MACF1: variants seen among roughly 807,000 people sequenced by gnomAD.
The protein encoded by MACF1 is microtubule-actin cross-linking factor 1.
MACF1 carries 193 observed loss-of-function variants against 854.8 expected under a neutral mutation model. That is an observed-to-expected ratio of 0.23 (90% confidence interval 0.20 to 0.25). The LOEUF (loss-of-function observed/expected upper bound fraction) is 0.25, where lower values mean the gene tolerates loss of function less well. MACF1 is among the 10% of genes least tolerant of loss of function. MACF1 has a pLI of 1.00. For synonymous variants in MACF1, 3,185 were observed against 3,226.7 expected, an observed-to-expected ratio of 0.99 and a Z score of 0.44; for missense variants, 7,722 against 8,929.1, an observed-to-expected ratio of 0.86 and a Z score of 5.45.
chr1:39,274,783 A>G (rs1444957236), intron 6 of MACF1, among the ~76,000 whole-genome samples: 1 of 152,240 alleles, frequency 6.6e-6, no homozygotes, highest in East Asian at 1.9e-4. Context: ...CAGGTTACTA[A>G]ACTTCTCTGT....
Position 39,372,955 on chromosome 1 carries a change from G to A in MACF1, c.13213+359G>A, listed in dbSNP as rs138802516. Reference sequence around the variant, plus strand: ...TTAAACTTGGGCACTGGCCAGCCACGAAGTCAGAAGATCAAAACCAGCCTG... The same window carrying A: ...TTAAACTTGGGCACTGGCCAGCCACAAAGTCAGAAGATCAAAACCAGCCTG... On this transcript the variant is annotated intron_variant, in intron 52 of 100. Coordinates refer to ENST00000564288, the MANE Select transcript of MACF1 (RefSeq NM_001394062.1). The A allele has an allele frequency of 7.0e-3, 1,614 of 229,886 alleles. 32 individuals are homozygous for A. Among genetic ancestry groups the A allele is most frequent in the African/African-American group, 0.036 (1,497 of 42,030 alleles). The allele number at this position is 229,886 out of a possible 1,614,324, so 14.2% of individuals were successfully genotyped here.
At chr1:39,140,451 G>A (rs943367297) in intron 2 of MACF1, among the ~76,000 whole-genome samples, 9 of 152,160 alleles carry the variant, frequency 5.9e-5, no homozygotes, top group Admixed American at 1.3e-4. Flanking sequence ...AGAGTATTGC[G>A]TATAATAAGG....
intron 100 of MACF1, 73 bp downstream of exon 100, chr1:39,484,803 T>G: frequency 6.3e-7 from 1 of 1,574,858 alleles, no homozygotes. Flanking sequence ...AATGTTTCAC[T>G]GCTCCCAAGG....
chr1:39,221,044 G>T (rs920044500), intron 1 of MACF1, among the ~76,000 whole-genome samples: 2 of 152,172 alleles, frequency 1.3e-5, no homozygotes, highest in Non-Finnish European at 2.9e-5. Context: ...AGATATTCCA[G>T]TTGGGGGAAA....
Position 39,455,097 on chromosome 1 carries a change from G to A in MACF1, c.21075G>A (p.Gln7025=). The A allele has an allele frequency of 6.2e-7, 1 of 1,613,566 alleles. No individual in the cohort carries two copies. Among genetic ancestry groups the A allele is most frequent in the Non-Finnish European group, 8.5e-7 (1 of 1,179,680 alleles). ...DRVKALIAEH[Q]TFMEEMTRKQ... Reference sequence around the variant, plus strand: ...TTAAAGCCCTTATCGCTGAGCATCAGGTATCTTAACCTCACTGTGTGATCA... The same window carrying A: ...TTAAAGCCCTTATCGCTGAGCATCAAGTATCTTAACCTCACTGTGTGATCA... The change falls in exon 89 of 101, where the codon CAG becomes CAA. Residue 7025 remains glutamine (Q), a splice_region_variant and synonymous_variant. Coordinates refer to ENST00000564288, the MANE Select transcript of MACF1 (RefSeq NM_001394062.1).
intron 58 of MACF1, among the ~76,000 whole-genome samples, chr1:39,399,853 G>A (rs1642409962): frequency 6.6e-6 from 1 of 152,094 alleles, no homozygotes; most frequent in Non-Finnish European, 1.5e-5. Flanking sequence ...TTAGCATATT[G>A]GTATATACAC....
Position 39,282,152 on chromosome 1 carries a change from G to T in MACF1, c.529-56G>T, listed in dbSNP as rs376911590. 27 of 1,575,486 alleles carry T rather than the reference G, an allele frequency of 1.7e-5. No individual in the cohort carries two copies. In the East Asian group the frequency reaches 3.8e-4, roughly 22 times the overall value. On this transcript the variant is annotated intron_variant, in intron 6 of 100. Transcript: ENST00000564288. ...AGCCATAATGTATGGAGAAGAGAAG[G>T]CTAAAAGACTTTGTCTTATTTATAA...
At chr1:39,411,301 A>G (rs757628414) in intron 58 of MACF1, 2 of 1,614,066 alleles carry the variant, frequency 1.2e-6, no homozygotes, top group Admixed American at 1.7e-5. Context: ...AGACAGGGAA[A>G]AGACTTTTCT....
At chr1:39,463,502 A>AT in intron 93 of MACF1, 110 bp from the exon 94 acceptor site, 2 of 746,448 alleles carry the variant, frequency 2.7e-6, no homozygotes, top group South Asian at 1.6e-5. Flanking sequence ...AAAAAAAAAA[A>AT]AAATGTAAAT....
intron 2 of MACF1, among the ~76,000 whole-genome samples, chr1:39,192,751 G>T (rs970487066): frequency 6.6e-6 from 1 of 152,184 alleles, no homozygotes; most frequent in African/African-American, 2.4e-5. Context: ...TGGATTCCTT[G>T]TCTATTGTGA....
In MACF1 at chr1:39,206,190, A is replaced by G. The variant is rs1031169686; in HGVS notation, c.109+1059A>G. On this transcript the variant is annotated intron_variant, in intron 1 of 100. Transcript: ENST00000564288. Reference sequence around the variant, plus strand: ...TACGTCCCAGAAAAGCTTTTGACTAAATATTCAGATCCTAGTGTGCATCTA... The same window carrying G: ...TACGTCCCAGAAAAGCTTTTGACTAGATATTCAGATCCTAGTGTGCATCTA... Among the ~76,000 whole-genome samples the G allele has an allele frequency of 5.3e-5, 8 of 152,348 alleles. No individual in the cohort carries two copies. The East Asian group carries it at 7.7e-4, about 15-fold the overall frequency.
In MACF1 at chr1:39,335,463, A is replaced by C. The variant is rs761513450; in HGVS notation, c.8875A>C (p.Ser2959Arg). The change falls in exon 37 of 101, where the codon AGT becomes CGT. Residue 2959 changes from serine to arginine, a missense_variant. Coordinates refer to ENST00000564288, the MANE Select transcript of MACF1 (RefSeq NM_001394062.1). ...TYCETSGKLPSEQVLQQPMNA... is the reference protein window; with the variant it reads ...TYCETSGKLPREQVLQQPMNA... ...TTGTGAAACGTCAGGCAAATTGCCG[A>C]GTGAGCAGGTTTTGCAGCAACCAAT... 5 of 1,614,234 alleles carry C rather than the reference A, an allele frequency of 3.1e-6. No individual in the cohort carries two copies. The East Asian group carries it at 1.1e-4, about 36-fold the overall frequency.
At chr1:39,372,364 A>G (rs1046115885) in intron 51 of MACF1, 115 bp from the exon 52 acceptor site, 2 of 622,654 alleles carry the variant, frequency 3.2e-6, no homozygotes, top group Non-Finnish European at 5.8e-6. Context: ...AATAAATCAG[A>G]AGGATGGTCT....
chr1:39,213,776 T>C (rs956512355), intron 1 of MACF1, among the ~76,000 whole-genome samples: 3 of 152,170 alleles, frequency 2.0e-5, no homozygotes, highest in Non-Finnish European at 4.4e-5. Flanking sequence ...GGACCCTTCA[T>C]CTCCAAGGCT....
intron 26 of MACF1, among the ~76,000 whole-genome samples, chr1:39,312,684 G>C (rs1290833272): frequency 6.6e-6 from 1 of 152,250 alleles, no homozygotes; most frequent in East Asian, 1.9e-4. Flanking sequence ...AAGTAGCCAG[G>C]TGTGGTGGCA....
intron 30 of MACF1, 76 bp downstream of exon 30, chr1:39,318,691 G>A: frequency 1.5e-6 from 2 of 1,377,182 alleles, no homozygotes; most frequent in Non-Finnish European, 1.9e-6. Context: ...ATGATGTACT[G>A]GCAATTAAAG....
At chr1:39,463,586 C>G (rs1286140412) in intron 93 of MACF1, 26 bp from the exon 94 acceptor site, 2 of 1,579,226 alleles carry the variant, frequency 1.3e-6, no homozygotes, top group African/African-American at 2.7e-5. Flanking sequence ...ACCCTTTACA[C>G]TTTCCTTTTT....
intron 66 of MACF1, among the ~76,000 whole-genome samples, chr1:39,432,126 G>A (rs1462754936): frequency 2.0e-5 from 3 of 152,190 alleles, no homozygotes; most frequent in Non-Finnish European, 1.5e-5. Flanking sequence ...GGGCACTTCC[G>A]AGTTAACTTG....
chr1:39,343,193 C>T (rs1405393441), intron 40 of MACF1, among the ~76,000 whole-genome samples: 2 of 152,198 alleles, frequency 1.3e-5, no homozygotes, highest in South Asian at 2.1e-4. Context: ...TGAGGTATTA[C>T]AGTGGTTTAT....
Sources: gnomAD v4.1 joint callset for allele counts (sites outside exome capture counted in the v4.1 genomes callset) on GRCh38, gnomAD v4.1.1 for gene constraint, MANE v1.5 for transcripts, NCBI Gene and HGNC (gene_info 2026-07-23, HGNC 2026-07-21) for gene names.